The following FAM228A variants were observed in gnomAD, a reference collection of about 807,000 sequenced individuals.
FAM228A encodes the protein family with sequence similarity 228 member A.
FAM228A carries 13 observed loss-of-function variants against 18.6 expected under a neutral mutation model. The observed-to-expected ratio is 0.70, with a 90% CI of 0.45 to 1.11. The LOEUF is 1.11. Among genes scored for constraint, FAM228A ranks in the 50% least tolerant of loss-of-function variants. The pLI is 0.00. For synonymous variants in FAM228A, 77 were observed against 86.6 expected, an observed-to-expected ratio of 0.89 and a Z score of 0.61; for missense variants, 240 against 242.2, an observed-to-expected ratio of 0.99 and a Z score of 0.06.
Position 24,188,558 on chromosome 2 carries a change from C to T in FAM228A, c.402-1854C>T, listed in dbSNP as rs574885570. 2,929 of 985,350 alleles carry T rather than the reference C, an allele frequency of 3.0e-3. 8 individuals are homozygous for T. Among genetic ancestry groups the T allele is most frequent in the Non-Finnish European group, 3.2e-3 (2,687 of 829,914 alleles). The allele number at this position is 985,350 out of a possible 1,614,324, so 61.0% of individuals were successfully genotyped here. On this transcript the variant is annotated intron_variant, in intron 5 of 5. Coordinates refer to ENST00000295150, the MANE Select transcript of FAM228A (RefSeq NM_001040710.3). ...TGTTGAGAACAAGGTTAAATACCCA[C>T]CTGTCAGGACATCAACCAGACCCAA...
intron 3 of FAM228A, among the ~76,000 whole-genome samples, chr2:24,182,884 A>AT (rs1393955868): frequency 1.3e-5 from 2 of 152,168 alleles, no homozygotes; most frequent in African/African-American, 4.8e-5. Flanking sequence ...CAGTTCAGCC[A>AT]TTTAAGGCTC....
Position 24,175,077 on chromosome 2 carries a change from G to C in FAM228A, c.-112G>C, listed in dbSNP as rs571409515. The C allele has an allele frequency of 6.0e-6, 1 of 167,678 alleles. No individual in the cohort carries two copies. Among genetic ancestry groups the C allele is most frequent in the Non-Finnish European group, 1.3e-5 (1 of 78,854 alleles). 10.4% of individuals were successfully genotyped at this position (167,678 alleles called of 1,614,324 possible). A position where few individuals can be genotyped will look rare whatever the true frequency, so the allele number is the denominator to read the frequency against. ...CATGCGCCCCGACGCTCGGGCCCGC[G>C]GGCTCCTTTCTCCGTCGCCGCTCCA... On this transcript the variant is annotated 5_prime_UTR_variant, in exon 1 of 6. Coordinates refer to ENST00000295150, the MANE Select transcript of FAM228A (RefSeq NM_001040710.3).
intron 5 of FAM228A, among the ~76,000 whole-genome samples, chr2:24,186,679 C>T (rs1327016114): frequency 1.3e-5 from 2 of 151,884 alleles, no homozygotes; most frequent in Non-Finnish European, 2.9e-5. Context: ...TGCTCTGTTA[C>T]CCAGGCTGGA....
intron 3 of FAM228A, among the ~76,000 whole-genome samples, chr2:24,183,083 GC>G (rs1667853000): frequency 6.6e-6 from 1 of 152,032 alleles, no homozygotes; most frequent in African/African-American, 2.4e-5. Context: ...AGGTTGGGGT[GC>G]TGAGGTTGGG....
At chr2:24,175,221 G>A in intron 1 of FAM228A, 47 bp downstream of exon 1, 1 of 457,852 alleles carries the variant, frequency 2.2e-6, no homozygotes, top group Non-Finnish European at 4.0e-6. Context: ...GGAGCCCAGG[G>A]AGGGCTGTGG....
At chr2:24,190,367 C>T in intron 5 of FAM228A, 45 bp from the exon 6 acceptor site, 1 of 1,534,214 alleles carries the variant, frequency 6.5e-7, no homozygotes, top group African/African-American at 1.4e-5. Context: ...TGGTACAATT[C>T]CATCTGTGCT....
At chr2:24,181,424 G>A (rs1035779850) in intron 3 of FAM228A, among the ~76,000 whole-genome samples, 10 of 152,004 alleles carry the variant, frequency 6.6e-5, no homozygotes, top group Non-Finnish European at 8.8e-5. Context: ...CGCTCTTGTT[G>A]CCCAAGCTGG....
chr2:24,175,324 C>A, intron 1 of FAM228A, 143 bp from the exon 2 acceptor site: 1 of 665,872 alleles, frequency 1.5e-6, no homozygotes, highest in Admixed American at 2.6e-5. Flanking sequence ...GCGCCTAGGG[C>A]GCCAAGGATC....
chr2:24,183,111 C>T (rs1480117609), intron 3 of FAM228A, among the ~76,000 whole-genome samples, 174 bp from the exon 4 acceptor site: 3 of 152,068 alleles, frequency 2.0e-5, no homozygotes, highest in Non-Finnish European at 4.4e-5. Flanking sequence ...TTGAATCTGT[C>T]ACCCTGGTAG....
chr2:24,179,679 T>C (rs185862755), intron 3 of FAM228A, among the ~76,000 whole-genome samples: 10 of 152,340 alleles, frequency 6.6e-5, no homozygotes, highest in Admixed American at 6.5e-4. Context: ...ATTTGCCTGA[T>C]GGTTGCTTAT....
intron 5 of FAM228A, among the ~76,000 whole-genome samples, chr2:24,185,024 T>G (rs1667911369): frequency 6.6e-6 from 1 of 152,152 alleles, no homozygotes; most frequent in Non-Finnish European, 1.5e-5. Context: ...CGTTTCACCA[T>G]GTTGGCCAGG....
At chr2:24,182,639 G>A (rs962989458) in intron 3 of FAM228A, among the ~76,000 whole-genome samples, 4 of 152,062 alleles carry the variant, frequency 2.6e-5, no homozygotes, top group East Asian at 1.9e-4. Flanking sequence ...GGAGGCATGC[G>A]TCCTCCCAGG....
At position 24,183,279 on chromosome 2, in the gene FAM228A, T is replaced by C. The variant is rs1281364600; in HGVS notation, c.163-6T>C. The stretch of plus-strand genomic sequence containing the variant: ...TGGTACTCAAAGAGTCTCATTTCTC[T>C]TGTAGGTTACAGTCCCACCATTTGT... On this transcript the variant is annotated splice_region_variant and splice_polypyrimidine_tract_variant and intron_variant, in intron 3 of 5. Transcript: ENST00000295150. The C allele has an allele frequency of 1.2e-6, 2 of 1,606,768 alleles. No individual in the cohort carries two copies. The highest frequency in any genetic ancestry group is 2.2e-5 in the East Asian group (1 of 44,840).
At chr2:24,190,160 G>C (rs1668045803) in intron 5 of FAM228A, among the ~76,000 whole-genome samples, 1 of 152,132 alleles carries the variant, frequency 6.6e-6, no homozygotes, top group Non-Finnish European at 1.5e-5. Context: ...ACAGCCATAG[G>C]GATTGAAGCT....
At chr2:24,185,835 G>A (rs1200221739) in intron 5 of FAM228A, among the ~76,000 whole-genome samples, 1 of 151,910 alleles carries the variant, frequency 6.6e-6, no homozygotes, top group Non-Finnish European at 1.5e-5. Flanking sequence ...AGGTCTTGTA[G>A]ATCTTTGTTT....
intron 5 of FAM228A, among the ~76,000 whole-genome samples, chr2:24,189,378 A>T (rs191093691): frequency 6.6e-6 from 1 of 152,230 alleles, no homozygotes; most frequent in Non-Finnish European, 1.5e-5. Context: ...AAGTCAGCAC[A>T]TTCTTAACTC....
chr2:24,182,610 C>A, intron 3 of FAM228A, among the ~76,000 whole-genome samples: 1 of 152,062 alleles, frequency 6.6e-6, no homozygotes, highest in East Asian at 1.9e-4. Context: ...CCCTTACGGA[C>A]CAGTTGTCAG....
In FAM228A at chr2:24,190,473, C is replaced by A. The variant is rs374755608; in HGVS notation, c.463C>A (p.Leu155Ile). Residue 155 changes from leucine to isoleucine, a missense_variant, in exon 6 of 6, where the codon CTA becomes ATA. By Grantham distance (5) the Leu-to-Ile change is conservative. Transcript: ENST00000295150. The part of the protein sequence containing the change: ...QKRKEKKTAD[L>I]SQAAFERQFL... ...AAGAAAAGAGAAAAAGACGGCCGAC[C>A]TAAGTCAGGCTGCGTTTGAAAGGCA... 7.4e-6 allele frequency: 12 copies of A among 1,614,054 alleles called. No individual in the cohort carries two copies. The African/African-American group carries it at 1.3e-4, about 18-fold the overall frequency.
At position 24,177,816 on chromosome 2, in the gene FAM228A, A is replaced by G; in HGVS notation, c.108A>G (p.Glu36=). The part of the protein sequence containing the change: ...SVSLMEVLAR[E]DIDEAVCAIL... ...TGTAATTTTAGGTATTAGCTAGAGA[A>G]GACATTGATGAAGCAGTATGTGCAA... The change falls in exon 3 of 6, where the codon GAA becomes GAG. Residue 36 remains glutamate (E), a synonymous_variant. Coordinates refer to ENST00000295150, the MANE Select transcript of FAM228A (RefSeq NM_001040710.3). 6.3e-7 allele frequency: 1 copy of G among 1,589,454 alleles called. No homozygotes were observed. Among genetic ancestry groups the G allele is most frequent in the Non-Finnish European group, 8.6e-7 (1 of 1,159,876 alleles).
Sources: gnomAD v4.1 joint callset for allele counts (sites outside exome capture counted in the v4.1 genomes callset) on GRCh38, gnomAD v4.1.1 for gene constraint, MANE v1.5 for transcripts, NCBI Gene and HGNC (gene_info 2026-07-23, HGNC 2026-07-21) for gene names.